RP1L1: variants seen among roughly 807,000 people sequenced by gnomAD.
RP1L1 encodes the protein RP1 like 1.
Under a neutral mutation model 15.7 loss-of-function variants are expected in RP1L1, and 27 were observed. The observed-to-expected ratio is 1.72, with a 90% CI of 1.27 to 2.38. RP1L1 has a LOEUF of 2.38. Ranked by LOEUF, RP1L1 falls within the 30% of genes most tolerant of loss-of-function variation. The pLI is 0.00. For missense variants in RP1L1, 4,798 were observed against 3,075.9 expected (o/e 1.56, Z -13.24); for synonymous variants, 1,813 against 1,276.7 (o/e 1.42, Z -8.96).
chr8:10,625,582 G>A (rs548707968), intron 1 of RP1L1, among the ~76,000 whole-genome samples: 58 of 152,270 alleles, frequency 3.8e-4, no homozygotes, highest in African/African-American at 1.3e-3. Context: ...CTTCTGCCCA[G>A]CCAAGCCTCA....
At position 10,607,851 on chromosome 8, in the gene RP1L1, C is replaced by A. The variant is rs1338652700; in HGVS notation, c.6247G>T (p.Glu2083Ter). 1.9e-6 allele frequency: 3 copies of A among 1,592,374 alleles called. No individual in the cohort carries two copies. Among genetic ancestry groups the A allele is most frequent in the Non-Finnish European group, 2.6e-6 (3 of 1,165,594 alleles). ...EAEGEAHPES[E>*]DVDAQEAEGE... is the part of the protein sequence containing the mutation. ...TCTGCCTCCTGGGCATCTACATCTT[C>A]TGACTCTGGGTGGGCCTCCCCTTCT... The change falls in exon 4 of 4, where the codon GAA becomes TAA. Residue 2083 changes from glutamate (E) to a stop codon, truncating the protein, a stop_gained. Transcript: ENST00000382483. LOFTEE classifies it low-confidence loss of function (END_TRUNC).
rs200283060 is a variant in RP1L1, at chr8:10,607,656, C to T, written c.6442G>A (p.Val2148Ile). 2.1e-4 allele frequency: 339 copies of T among 1,589,926 alleles called. 2 individuals carry two copies. The Admixed American group carries it at 5.6e-3, about 26-fold the overall frequency. Residue 2148 changes from valine (V) to isoleucine (I), a missense_variant, in exon 4 of 4, where the codon GTA becomes ATA. Val to Ile is a conservative substitution (Grantham distance 29). Transcript: ENST00000382483. ...EGEAQPESEGVEAQDAEGEAQ... is the reference protein window; with the variant it reads ...EGEAQPESEGIEAQDAEGEAQ... ...TCCCCTTCTGCATCCTGGGCCTCTA[C>T]ACCTTCTGACTCAGGCTGGGCCTCC...
chr8:10,623,532 A>AC lies in RP1L1; in HGVS notation c.-19-313dup, dbSNP rs1207036821. 2.2e-3 allele frequency among the ~76,000 whole-genome samples: 329 copies of AC among 151,708 alleles called. 4 individuals carry two copies. The East Asian group carries it at 0.028, about 13-fold the overall frequency. On this transcript the variant is annotated intron_variant, in intron 1 of 3. Transcript: ENST00000382483. ...CCAGAACCACCATGAAACCAGGACC[A>AC]CAATGTCCCCAGCACAACCATGTCC...
rs751906682 is a variant in RP1L1, at chr8:10,609,041, G to C, written c.5057C>G (p.Ala1686Gly). 1.9e-6 allele frequency: 3 copies of C among 1,613,664 alleles called. No homozygotes were observed. The highest frequency in any genetic ancestry group is 1.1e-5 in the South Asian group (1 of 91,054). The change falls in exon 4 of 4, where the codon GCC becomes GGC. Residue 1686 changes from alanine (A) to glycine (G), a missense_variant. Ala to Gly is a moderately conservative substitution (Grantham distance 60, BLOSUM62 0). Transcript: ENST00000382483. ...CTGCAGAATCTGCTGCAGGTCAAAGGCCTCTTTGATGGGACCTCTGGTTGC... is the reference window on the plus strand; with the variant it reads ...CTGCAGAATCTGCTGCAGGTCAAAGCCCTCTTTGATGGGACCTCTGGTTGC... ...MGATRGPIKE[A>G]FDLQQILQRK...
At chr8:10,632,696 G>C (rs1263208166) in intron 1 of RP1L1, among the ~76,000 whole-genome samples, 1 of 152,226 alleles carries the variant, frequency 6.6e-6, no homozygotes, top group Non-Finnish European at 1.5e-5. Flanking sequence ...AGGTGCTCGG[G>C]AACTATTTGT....
At position 10,616,478 on chromosome 8, in the gene RP1L1, G is replaced by C; in HGVS notation, c.719C>G (p.Thr240Ser). The change falls in exon 3 of 4, where the codon ACT becomes AGT. Residue 240 changes from threonine to serine, a missense_variant. Coordinates refer to ENST00000382483, the MANE Select transcript of RP1L1 (RefSeq NM_178857.6). ...GTTTCTTGAAGTCAGCCCAGATAAA[G>C]TTTCAGCCTCGCTTCTCCTGGCATT... ...MKNARRSEAE[T>S]LSGLTSRNKN... 2 of 1,614,250 alleles carry C rather than the reference G, an allele frequency of 1.2e-6. No homozygotes were observed. The highest frequency in any genetic ancestry group is 1.1e-5 in the South Asian group (1 of 91,088).
At chr8:10,634,242 C>G (rs1231075504) in intron 1 of RP1L1, among the ~76,000 whole-genome samples, 1 of 152,210 alleles carries the variant, frequency 6.6e-6, no homozygotes, top group Non-Finnish European at 1.5e-5. Context: ...ATCAACTGAA[C>G]CATGTGCCTG....
rs1024332811 is a variant in RP1L1 at position 10,626,363 on chromosome 8, T to A, written c.-19-3143A>T. On this transcript the variant is annotated intron_variant, in intron 1 of 3. Transcript: ENST00000382483. ...CGAGACCTTGAAGGGCTGATCAATA[T>A]CACACGCGGATCACCGAAAGAAGCC... Among the ~76,000 whole-genome samples the A allele has an allele frequency of 2.6e-5, 4 of 152,058 alleles. No homozygotes were observed. The East Asian group carries it at 7.7e-4, about 29-fold the overall frequency.
intron 1 of RP1L1, among the ~76,000 whole-genome samples, chr8:10,650,043 G>A (rs1346931161): frequency 6.6e-6 from 1 of 152,128 alleles, no homozygotes; most frequent in Non-Finnish European, 1.5e-5. Context: ...TCCAACCCTG[G>A]CCAATGAGAG....
intron 1 of RP1L1, among the ~76,000 whole-genome samples, chr8:10,631,285 A>G (rs1166216893): frequency 6.6e-6 from 1 of 150,864 alleles, no homozygotes. Flanking sequence ...GCATGCACAC[A>G]CACGCACACA....
intron 2 of RP1L1, among the ~76,000 whole-genome samples, chr8:10,622,335 CAAAA>C (rs34315849): frequency 9.8e-6 from 1 of 102,264 alleles, no homozygotes; most frequent in African/African-American, 3.8e-5. Context: ...AAAACAAAGC[CAAAA>C]AAAAAAAAAA....
chr8:10,626,181 G>A (rs533536262), intron 1 of RP1L1, among the ~76,000 whole-genome samples: 96 of 152,114 alleles, frequency 6.3e-4, no homozygotes, highest in Admixed American at 2.0e-3. Context: ...GCTGGGTAGG[G>A]GGCTGGCAGC....
At position 10,608,814 on chromosome 8, in the gene RP1L1, C is replaced by T. The variant is rs141128719; in HGVS notation, c.5284G>A (p.Glu1762Lys). ...TGAGCCATTGCATCTCCCTCTGCCT[C>T]CCCGAGTTTGGGATCTTTGTCTCTG... Reference protein sequence around the residue: ...LNRDKDPKLGEAEGDAMAQER... With the variant: ...LNRDKDPKLGKAEGDAMAQER... Residue 1762 changes from glutamate to lysine, a missense_variant, in exon 4 of 4, where the codon GAG (glutamate) becomes AAG (lysine). Glu to Lys is a moderately conservative substitution (Grantham distance 56). Transcript: ENST00000382483. 993 of 1,614,178 alleles carry T rather than the reference C, an allele frequency of 6.2e-4. No individual in the cohort carries two copies. The highest frequency in any genetic ancestry group is 7.4e-4 in the Non-Finnish European group (873 of 1,180,042).
rs1019098814 is a variant in RP1L1 at position 10,608,390 on chromosome 8, G to A, written c.5708C>T (p.Ser1903Leu). Residue 1903 changes from serine to leucine, a missense_variant, in exon 4 of 4, where the codon TCA (serine) becomes TTA (leucine). Ser to Leu is a moderately radical substitution (Grantham distance 145, BLOSUM62 -2). Coordinates refer to ENST00000382483, the MANE Select transcript of RP1L1 (RefSeq NM_178857.6). ...PEAEWEVQPESEGAEAPEAEK... is the reference protein window; with the variant it reads ...PEAEWEVQPELEGAEAPEAEK... ...TGCCTCCGGGGCTTCTGCACCTTCTGACTCTGGCTGGACCTCCCATTCTGC... is the reference window on the plus strand; with the variant it reads ...TGCCTCCGGGGCTTCTGCACCTTCTAACTCTGGCTGGACCTCCCATTCTGC... 11 of 1,610,380 alleles carry A rather than the reference G, an allele frequency of 6.8e-6. No individual in the cohort carries two copies. Among genetic ancestry groups the A allele is most frequent in the Non-Finnish European group, 9.3e-6 (11 of 1,179,472 alleles).
intron 1 of RP1L1, among the ~76,000 whole-genome samples, chr8:10,627,654 A>G (rs1798179619): frequency 6.6e-6 from 1 of 152,106 alleles, no homozygotes; most frequent in African/African-American, 2.4e-5. Context: ...GATATAAAAA[A>G]AAAAGTAAAA....
At chr8:10,639,094 G>A (rs1482279038) in intron 1 of RP1L1, among the ~76,000 whole-genome samples, 11 of 151,622 alleles carry the variant, frequency 7.3e-5, no homozygotes, top group Admixed American at 2.6e-4. Context: ...GCAGTGAGCC[G>A]AGATCGGACC....
Position 10,613,116 on chromosome 8 carries a change from G to A in RP1L1, c.982C>T (p.Arg328Cys), listed in dbSNP as rs374588944. ...DGSLSVEMKV[R>C]FHLVGEDTLL... ...GTGTCCTCGCCGACCAGGTGGAAGCGGACTTTCATCTCCACGGACAGGCTG... is the reference window on the plus strand; with the variant it reads ...GTGTCCTCGCCGACCAGGTGGAAGCAGACTTTCATCTCCACGGACAGGCTG... The change falls in exon 4 of 4, where the codon CGC becomes TGC. Residue 328 changes from arginine to cysteine, a missense_variant. Transcript: ENST00000382483. The A allele has an allele frequency of 1.4e-5, 22 of 1,613,826 alleles. No individual in the cohort carries two copies. The highest frequency in any genetic ancestry group is 1.6e-4 in the Middle Eastern group (1 of 6,084).
rs966653622 is a variant in RP1L1, at chr8:10,644,428, G to A, written c.-20+10470C>T. Among the ~76,000 whole-genome samples the A allele has an allele frequency of 3.4e-4, 51 of 152,202 alleles. 1 individual carries two copies. The highest frequency in any genetic ancestry group is 1.1e-3 in the African/African-American group (47 of 41,458). On this transcript the variant is annotated intron_variant, in intron 1 of 3. Coordinates refer to ENST00000382483, the MANE Select transcript of RP1L1 (RefSeq NM_178857.6). ...GGGCTGGGCTGGTCTATCCATGCCT[G>A]GCCCTGACTGTTGAAGGGTCACACC...
chr8:10,606,750 A>C lies in RP1L1; in HGVS notation c.*145T>G. ...CTTAAGAGTCCCAGGACAGCATGGC[A>C]TGGGCTGTGTCCTTGGCAAGTCCTT... On this transcript the variant is annotated 3_prime_UTR_variant, in exon 4 of 4. Transcript: ENST00000382483. The C allele has an allele frequency of 7.4e-7, 1 of 1,355,802 alleles. No homozygotes were observed. The highest frequency in any genetic ancestry group is 1.0e-6 in the Non-Finnish European group (1 of 998,872). 84.0% of individuals were successfully genotyped at this position (1,355,802 alleles called of 1,614,324 possible).
Sources: gnomAD v4.1 joint callset for allele counts (sites outside exome capture counted in the v4.1 genomes callset) on GRCh38, gnomAD v4.1.1 for gene constraint, MANE v1.5 for transcripts, NCBI Gene and HGNC (gene_info 2026-07-23, HGNC 2026-07-21) for gene names.